The following RANBP17 variants were observed in gnomAD, a reference collection of about 807,000 sequenced individuals.
RANBP17 encodes ran-binding protein 17.
RANBP17 carries 158 observed loss-of-function variants against 141.2 expected under a neutral mutation model. That is an observed-to-expected ratio of 1.12 (90% confidence interval 0.98 to 1.28). The LOEUF (loss-of-function observed/expected upper bound fraction) is 1.28. RANBP17 is among the 50% of genes most tolerant of loss of function. The pLI, the probability that RANBP17 is intolerant of heterozygous loss-of-function variation, is 0.00. For synonymous variants in RANBP17, 430 were observed against 450.0 expected, an observed-to-expected ratio of 0.96 and a Z score of 0.56; for missense variants, 1,438 against 1,290.7, an observed-to-expected ratio of 1.11 and a Z score of -1.75.
chr5:170,877,164 T>A (rs1768250941), intron 1 of RANBP17, among the ~76,000 whole-genome samples: 1 of 152,184 alleles, frequency 6.6e-6, no homozygotes, highest in South Asian at 2.1e-4. Context: ...CATAACTGGT[T>A]ATTACATTGC....
intron 12 of RANBP17, among the ~76,000 whole-genome samples, chr5:170,951,390 C>T (rs1775199628): frequency 6.6e-6 from 1 of 151,992 alleles, no homozygotes; most frequent in Non-Finnish European, 1.5e-5. Flanking sequence ...TCTATACAAA[C>T]AATGGAATGT....
intron 14 of RANBP17, among the ~76,000 whole-genome samples, chr5:171,133,477 A>G (rs983636613): frequency 5.9e-5 from 9 of 152,128 alleles, no homozygotes; most frequent in Admixed American, 2.6e-4. Context: ...ATTGTTTCCT[A>G]ATTCTTTATG....
At chr5:170,896,872 G>T (rs1344920036) in intron 5 of RANBP17, 2 of 525,932 alleles carry the variant, frequency 3.8e-6, no homozygotes, top group African/African-American at 2.0e-5. Context: ...TTGGGTTGCA[G>T]GCCCAATGCA....
intron 14 of RANBP17, among the ~76,000 whole-genome samples, chr5:171,018,385 G>T (rs202067182): frequency 1.3e-5 from 2 of 151,928 alleles, no homozygotes; most frequent in African/African-American, 4.8e-5. Flanking sequence ...CTTCCTATCC[G>T]TGAGGATGGA....
chr5:171,047,486 G>C (rs914298745), intron 14 of RANBP17, among the ~76,000 whole-genome samples: 1 of 148,756 alleles, frequency 6.7e-6, no homozygotes, highest in African/African-American at 2.5e-5. Flanking sequence ...GCCCAGGCTG[G>C]AGTGCAGTGG....
chr5:170,976,294 T>G (rs1321060191), intron 14 of RANBP17, among the ~76,000 whole-genome samples: 1 of 152,132 alleles, frequency 6.6e-6, no homozygotes, highest in East Asian at 1.9e-4. Flanking sequence ...AGTGTAAAAC[T>G]TATAATCTGA....
chr5:171,053,925 A>AT (rs1491125081), intron 14 of RANBP17, among the ~76,000 whole-genome samples: 21 of 32,394 alleles, frequency 6.5e-4, no homozygotes, highest in East Asian at 1.3e-3. Flanking sequence ...ATATATATAT[A>AT]ATTGCTGTAT....
intron 25 of RANBP17, among the ~76,000 whole-genome samples, chr5:171,274,149 T>TGTGTGCGCGCGCGCGCAC (rs34291143): frequency 7.9e-6 from 1 of 126,772 alleles, no homozygotes; most frequent in African/African-American, 3.1e-5. Flanking sequence ...TGTGTGTGTG[T>TGTGTGCGCGCGCGCGCAC]GCGCGCGCGC....
At chr5:171,053,633 A>G (rs1783112138) in intron 14 of RANBP17, among the ~76,000 whole-genome samples, 1 of 151,460 alleles carries the variant, frequency 6.6e-6, no homozygotes, top group African/African-American at 2.4e-5. Context: ...ACTTTTGTAG[A>G]TTTTCTATAT....
intron 14 of RANBP17, chr5:170,983,027 C>A (rs1052483835): frequency 4.2e-6 from 2 of 471,892 alleles, no homozygotes; most frequent in Non-Finnish European, 8.2e-6. Flanking sequence ...TTCACTCAGA[C>A]AAAGCCTCAA....
At chr5:170,938,718 G>GA (rs1310048529) in intron 12 of RANBP17, among the ~76,000 whole-genome samples, 4 of 152,088 alleles carry the variant, frequency 2.6e-5, no homozygotes, top group African/African-American at 7.2e-5. Context: ...CCCAACTGAG[G>GA]AAAGAGTTGG....
At chr5:171,033,296 A>G (rs1781665985) in intron 14 of RANBP17, among the ~76,000 whole-genome samples, 1 of 152,192 alleles carries the variant, frequency 6.6e-6, no homozygotes, top group African/African-American at 2.4e-5. Context: ...AAATAAATGT[A>G]TTAATGCAGC....
chr5:170,949,465 A>G (rs550438694), intron 12 of RANBP17, among the ~76,000 whole-genome samples: 2 of 152,284 alleles, frequency 1.3e-5, no homozygotes, highest in African/African-American at 2.4e-5. Flanking sequence ...ACCACTAAAC[A>G]TATGAAAGGA....
chr5:170,878,013 T>A, intron 1 of RANBP17, 84 bp from the exon 2 acceptor site: 1 of 928,220 alleles, frequency 1.1e-6, no homozygotes, highest in South Asian at 2.3e-5. Context: ...ACACATGTGA[T>A]ATTTGTATCC....
At chr5:171,145,253 G>A (rs1461450262) in intron 14 of RANBP17, among the ~76,000 whole-genome samples, 1 of 151,996 alleles carries the variant, frequency 6.6e-6, no homozygotes, top group Non-Finnish European at 1.5e-5. Flanking sequence ...TGGTCTTTGG[G>A]GGCCATTTTT....
rs757585137 is a variant in RANBP17 at position 171,186,526 on chromosome 5, C to CTTTT, written c.2038+3121_2038+3124dup. 7.4e-4 allele frequency among the ~76,000 whole-genome samples: 31 copies of CTTTT among 41,660 alleles called. 6 individuals are homozygous for CTTTT. The highest frequency in any genetic ancestry group is 4.4e-3 in the Admixed American group (10 of 2,258). 27.3% of individuals were successfully genotyped at this position (41,660 alleles called of 152,430 possible). A position where few individuals can be genotyped will look rare whatever the true frequency, so the allele number is the denominator to read the frequency against. ...GAAATGTTATCACTGGTATGATTTT[C>CTTTT]TTTTTTTTTTTTTTTTTTTTTTTTT... On this transcript the variant is annotated intron_variant, in intron 18 of 27. Coordinates refer to ENST00000523189, the MANE Select transcript of RANBP17 (RefSeq NM_022897.5).
intron 14 of RANBP17, among the ~76,000 whole-genome samples, chr5:170,979,994 G>A (rs989397716): frequency 6.6e-6 from 1 of 152,196 alleles, no homozygotes; most frequent in African/African-American, 2.4e-5. Flanking sequence ...CCAAAATGCT[G>A]ATAATTATAT....
rs1430119795 is a variant in RANBP17, at chr5:170,955,684, A to G, written c.1574+1982A>G. 5.1e-5 allele frequency among the ~76,000 whole-genome samples: 6 copies of G among 118,440 alleles called. 1 individual carries two copies. Among genetic ancestry groups the G allele is most frequent in the African/African-American group, 2.1e-4 (6 of 28,004 alleles). The allele number at this position is 118,440 out of a possible 152,430, so 77.7% of individuals were successfully genotyped here. A position where few individuals can be genotyped will look rare whatever the true frequency, so the allele number is the denominator to read the frequency against. On this transcript the variant is annotated intron_variant, in intron 13 of 27. Coordinates refer to ENST00000523189, the MANE Select transcript of RANBP17 (RefSeq NM_022897.5). ...TATATATATATATATATATATATAC[A>G]CTGAATGAACTCTGTAGAGGAACGA...
At chr5:170,897,489 G>C in intron 5 of RANBP17, 3 of 343,848 alleles carry the variant, frequency 8.7e-6, no homozygotes, top group South Asian at 7.3e-5. Context: ...CATGTGCCAT[G>C]GTGGTTTGCT....
Sources: allele counts gnomAD v4.1 joint callset (sites outside exome capture counted in the v4.1 genomes callset), GRCh38; gene constraint gnomAD v4.1.1; transcripts MANE v1.5; gene names NCBI Gene and HGNC (gene_info 2026-07-23, HGNC 2026-07-21).